ALK: variants seen among roughly 807,000 people sequenced by gnomAD.
ALK encodes ALK receptor tyrosine kinase.
Under a neutral mutation model 163.1 loss-of-function variants are expected in ALK, and 74 were observed. The observed-to-expected ratio is 0.45, with a 90% CI of 0.38 to 0.55. The LOEUF (loss-of-function observed/expected upper bound fraction) is 0.55, where lower values mean the gene tolerates loss of function less well. Ranked by LOEUF, ALK falls within the 20% of genes least tolerant of loss-of-function variation. The pLI is 0.00. For synonymous variants in ALK, 960 were observed against 843.2 expected (o/e 1.14, Z -2.40); for missense variants, 2,063 against 2,105.3 (o/e 0.98, Z 0.39).
At position 29,825,027 on chromosome 2, in the gene ALK, G is replaced by A. The variant is rs1164605032; in HGVS notation, c.667+94966C>T. 2.0e-5 allele frequency among the ~76,000 whole-genome samples: 3 copies of A among 152,176 alleles called. No homozygotes were observed. The East Asian group carries it at 5.8e-4, about 29-fold the overall frequency. Reference sequence around the variant, plus strand: ...CAAGTCTTTCCTGTGCTGTTCTCATGATAGTGAGTAAGGCTCATGAGATCT... The same window carrying A: ...CAAGTCTTTCCTGTGCTGTTCTCATAATAGTGAGTAAGGCTCATGAGATCT... On this transcript the variant is annotated intron_variant, in intron 1 of 28. Coordinates refer to ENST00000389048, the MANE Select transcript of ALK (RefSeq NM_004304.5).
At chr2:29,503,264 C>T (rs58686832) in intron 4 of ALK, among the ~76,000 whole-genome samples, 23,378 of 152,174 alleles carry the variant, frequency 0.15, 2,567 homozygotes, top group African/African-American at 0.31. Context: ...AGTGGTATTA[C>T]GGGTCACTCA....
At chr2:29,338,786 G>T (rs1284534392) in intron 5 of ALK, among the ~76,000 whole-genome samples, 5 of 152,218 alleles carry the variant, frequency 3.3e-5, no homozygotes, top group African/African-American at 1.2e-4. Flanking sequence ...CCAGATCACC[G>T]AGTTTCAGTA....
At chr2:29,896,920 G>T (rs879779440) in intron 1 of ALK, among the ~76,000 whole-genome samples, 3 of 152,218 alleles carry the variant, frequency 2.0e-5, no homozygotes, top group Non-Finnish European at 4.4e-5. Context: ...ATTAACACAG[G>T]TTACCTCTAG....
chr2:29,831,427 T>C (rs945298822), intron 1 of ALK, among the ~76,000 whole-genome samples: 2 of 151,940 alleles, frequency 1.3e-5, no homozygotes, highest in African/African-American at 4.8e-5. Context: ...AAGCATGCTT[T>C]AGAGCTTCTC....
intron 11 of ALK, among the ~76,000 whole-genome samples, chr2:29,272,231 C>G (rs374049859): frequency 6.7e-6 from 1 of 149,650 alleles, no homozygotes; most frequent in African/African-American, 2.4e-5. Context: ...CTCTGCAGCC[C>G]CGTGGTCACA....
chr2:29,818,686 G>A (rs1664963540), intron 1 of ALK, among the ~76,000 whole-genome samples: 1 of 152,266 alleles, frequency 6.6e-6, no homozygotes, highest in Non-Finnish European at 1.5e-5. Flanking sequence ...TATAGGGTTT[G>A]ACTGTGGCTG....
At position 29,590,576 on chromosome 2, in the gene ALK, G is replaced by T. The variant is rs1281183178; in HGVS notation, c.953-58460C>A. Among the ~76,000 whole-genome samples the T allele has an allele frequency of 2.6e-5, 4 of 152,036 alleles. No homozygotes were observed. In the East Asian group the frequency reaches 7.7e-4, roughly 29 times the overall value. On this transcript the variant is annotated intron_variant, in intron 3 of 28. Coordinates refer to ENST00000389048, the MANE Select transcript of ALK (RefSeq NM_004304.5). Reference sequence around the variant, plus strand: ...GATAAGGTTTCTCATCTTCCACCAGGCCCCAGGTAATAACTGATCATCTTG... The same window carrying T: ...GATAAGGTTTCTCATCTTCCACCAGTCCCCAGGTAATAACTGATCATCTTG...
intron 1 of ALK, among the ~76,000 whole-genome samples, chr2:29,760,536 G>A (rs1403268152): frequency 6.6e-6 from 1 of 151,872 alleles, no homozygotes; most frequent in Non-Finnish European, 1.5e-5. Flanking sequence ...ACCCTTCCCA[G>A]GGATGTTTCC....
At chr2:29,446,944 T>C (rs1354831642) in intron 4 of ALK, among the ~76,000 whole-genome samples, 8 of 152,188 alleles carry the variant, frequency 5.3e-5, no homozygotes, top group Admixed American at 5.2e-4. Flanking sequence ...TTTCCAGTCT[T>C]CATCAGGGTA....
rs201594262 is a variant in ALK, at chr2:29,831,259, GGAAGAAGAAGAAGAAGAAGAAGAA to G, written c.667+88710_667+88733del. On this transcript the variant is annotated intron_variant, in intron 1 of 28. Coordinates refer to ENST00000389048, the MANE Select transcript of ALK (RefSeq NM_004304.5). Reference sequence around the variant, plus strand: ...AGGAAGAAGAAGAGGAAGAGGAAGAGGAAGAAGAAGAAGAAGAAGAAGAAGAAGAAGAAGAAGAAGAAGAAGAAG... The same window carrying G: ...AGGAAGAAGAAGAGGAAGAGGAAGAGGAAGAAGAAGAAGAAGAAGAAGAAG... Among the ~76,000 whole-genome samples, 12 of 28,150 alleles carry G rather than the reference GGAAGAAGAAGAAGAAGAAGAAGAA, an allele frequency of 4.3e-4. 3 individuals carry two copies. Among genetic ancestry groups the G allele is most frequent in the East Asian group, 6.7e-3 (2 of 300 alleles). The allele number at this position is 28,150 out of a possible 152,430, so 18.5% of individuals were successfully genotyped here.
chr2:29,916,289 C>T (rs1288036405), intron 1 of ALK, among the ~76,000 whole-genome samples: 3 of 152,206 alleles, frequency 2.0e-5, no homozygotes, highest in Non-Finnish European at 4.4e-5. Flanking sequence ...CCATGGGCCA[C>T]GCTAAATAAC....
intron 4 of ALK, among the ~76,000 whole-genome samples, chr2:29,439,347 A>C (rs1259216169): frequency 6.6e-6 from 1 of 152,212 alleles, no homozygotes; most frequent in African/African-American, 2.4e-5. Flanking sequence ...TATAGCTCTT[A>C]CTTGACTATT....
intron 3 of ALK, among the ~76,000 whole-genome samples, chr2:29,620,722 AC>A (rs1156511373): frequency 6.6e-6 from 1 of 151,992 alleles, no homozygotes; most frequent in Non-Finnish European, 1.5e-5. Context: ...TCTAACTTAA[AC>A]CGTTCTAAAT....
At chr2:29,423,460 C>T (rs1271640756) in intron 4 of ALK, among the ~76,000 whole-genome samples, 1 of 152,232 alleles carries the variant, frequency 6.6e-6, no homozygotes, top group African/African-American at 2.4e-5. Flanking sequence ...GATCACGCCA[C>T]AGGTGGCCTT....
intron 4 of ALK, among the ~76,000 whole-genome samples, chr2:29,391,296 T>C (rs959092425): frequency 2.4e-4 from 9 of 37,606 alleles, no homozygotes; most frequent in Non-Finnish European, 1.4e-4. Flanking sequence ...TTTCCTAGCC[T>C]CTTTTTTTTG....
intron 1 of ALK, among the ~76,000 whole-genome samples, chr2:29,889,840 G>T (rs942938952): frequency 6.6e-6 from 1 of 152,036 alleles, no homozygotes; most frequent in Non-Finnish European, 1.5e-5. Context: ...CTGGATGACT[G>T]TGTAGTCATT....
intron 4 of ALK, among the ~76,000 whole-genome samples, chr2:29,389,806 G>A (rs146183932): frequency 7.6e-4 from 115 of 152,202 alleles, no homozygotes; most frequent in Non-Finnish European, 1.2e-3. Flanking sequence ...GAACTTTGGC[G>A]GTTGCATTAT....
At chr2:29,444,021 C>G (rs1458651287) in intron 4 of ALK, among the ~76,000 whole-genome samples, 1 of 152,174 alleles carries the variant, frequency 6.6e-6, no homozygotes, top group African/African-American at 2.4e-5. Context: ...AACTGAGTCA[C>G]AGAAAGTCAT....
intron 3 of ALK, among the ~76,000 whole-genome samples, chr2:29,637,406 AT>A (rs937466374): frequency 4.6e-5 from 7 of 152,150 alleles, no homozygotes; most frequent in Non-Finnish European, 8.8e-5. Flanking sequence ...TGGAGAAGAG[AT>A]TAGTAGTTTC....
Sources: gnomAD v4.1 joint callset for allele counts (sites outside exome capture counted in the v4.1 genomes callset) on GRCh38, gnomAD v4.1.1 for gene constraint, MANE v1.5 for transcripts, NCBI Gene and HGNC (gene_info 2026-07-23, HGNC 2026-07-21) for gene names.